The following AHI1 variants were observed in gnomAD, a reference collection of about 807,000 sequenced individuals.
AHI1 encodes the protein jouberin.
Under a neutral mutation model 149.3 loss-of-function variants are expected in AHI1, and 123 were observed. The ratio of observed to expected loss-of-function variants is 0.82; its 90% CI spans 0.71 to 0.96. The LOEUF is 0.96. Among genes scored for constraint, AHI1 ranks in the 40% least tolerant of loss-of-function variants. The pLI, the probability that AHI1 is intolerant of heterozygous loss-of-function variation, is 0.00. For missense variants in AHI1, 1,439 were observed against 1,422.7 expected, an observed-to-expected ratio of 1.01 and a Z score of -0.18; for synonymous variants, 475 against 459.8, an observed-to-expected ratio of 1.03 and a Z score of -0.42.
intron 5 of AHI1, among the ~76,000 whole-genome samples, chr6:135,471,794 T>C (rs1001146025): frequency 6.6e-6 from 1 of 151,192 alleles, no homozygotes; most frequent in East Asian, 2.0e-4. Flanking sequence ...GGGTGGATCA[T>C]GAGGTCAGGA....
At chr6:135,340,650 CATACATACAT>C (rs1471896920) in intron 24 of AHI1, among the ~76,000 whole-genome samples, 19 of 52,634 alleles carry the variant, frequency 3.6e-4, no homozygotes, top group African/African-American at 1.9e-3. Context: ...CATATATATA[CATACATACAT>C]ATATATATAT....
intron 23 of AHI1, among the ~76,000 whole-genome samples, chr6:135,392,432 T>C (rs976019754): frequency 2.6e-5 from 4 of 152,160 alleles, no homozygotes; most frequent in African/African-American, 9.7e-5. Flanking sequence ...GTAAACCCAC[T>C]TACATATATA....
At chr6:135,417,341 T>C (rs995437620) in intron 20 of AHI1, among the ~76,000 whole-genome samples, 29 of 152,060 alleles carry the variant, frequency 1.9e-4, no homozygotes, top group African/African-American at 6.0e-4. Context: ...CGAACATGCA[T>C]AGAAATGGCC....
intron 23 of AHI1, among the ~76,000 whole-genome samples, chr6:135,365,062 A>G (rs1166157807): frequency 1.3e-5 from 2 of 152,136 alleles, no homozygotes; most frequent in Non-Finnish European, 2.9e-5. Context: ...TCCCAGCACC[A>G]TTTGTTGAAC....
At chr6:135,304,538 A>C (rs1784310045) in intron 26 of AHI1, among the ~76,000 whole-genome samples, 1 of 151,908 alleles carries the variant, frequency 6.6e-6, no homozygotes, top group African/African-American at 2.4e-5. Flanking sequence ...TTGGGAGGCC[A>C]AGGCAGGCAG....
intron 23 of AHI1, chr6:135,388,156 A>G (rs1487244549): frequency 9.5e-7 from 1 of 1,048,562 alleles, no homozygotes; most frequent in African/African-American, 1.6e-5. Flanking sequence ...TAGATTACCT[A>G]TTAATCTACA....
chr6:135,349,877 C>A (rs1225281753), intron 24 of AHI1, among the ~76,000 whole-genome samples: 1 of 152,200 alleles, frequency 6.6e-6, no homozygotes, highest in Non-Finnish European at 1.5e-5. Flanking sequence ...GACCTTGCCA[C>A]AACTGACCTA....
chr6:135,449,089 C>T (rs753049089), intron 11 of AHI1, among the ~76,000 whole-genome samples: 6 of 152,010 alleles, frequency 3.9e-5, no homozygotes, highest in Non-Finnish European at 8.8e-5. Flanking sequence ...CTCTGTTATC[C>T]AGGCCGGAGT....
chr6:135,363,593 C>T (rs1465398965), intron 23 of AHI1, among the ~76,000 whole-genome samples: 1 of 152,040 alleles, frequency 6.6e-6, no homozygotes, highest in East Asian at 1.9e-4. Context: ...GGTGGCCGGG[C>T]AGAGGGGCTC....
intron 21 of AHI1, among the ~76,000 whole-genome samples, chr6:135,409,837 G>A (rs1416117792): frequency 6.6e-6 from 1 of 152,022 alleles, no homozygotes; most frequent in African/African-American, 2.4e-5. Context: ...TAGATTTTGG[G>A]ACTTTAGCAC....
chr6:135,462,048 A>T (rs1229512129), intron 8 of AHI1, among the ~76,000 whole-genome samples: 1 of 152,010 alleles, frequency 6.6e-6, no homozygotes, highest in African/African-American at 2.4e-5. Flanking sequence ...ATATGAGTAT[A>T]CTGCTTAGTG....
intron 23 of AHI1, among the ~76,000 whole-genome samples, chr6:135,386,345 C>G (rs1211001911): frequency 2.0e-5 from 3 of 150,528 alleles, no homozygotes; most frequent in Non-Finnish European, 4.4e-5. Context: ...GAGTCTCGCT[C>G]TTCCGCCCAG....
intron 26 of AHI1, among the ~76,000 whole-genome samples, chr6:135,309,186 C>T (rs1050754934): frequency 2.0e-5 from 3 of 152,066 alleles, no homozygotes; most frequent in East Asian, 1.9e-4. Flanking sequence ...GATTCCTCTG[C>T]GTAGGTCATT....
intron 26 of AHI1, among the ~76,000 whole-genome samples, chr6:135,306,057 A>T (rs1164122980): frequency 6.6e-6 from 1 of 152,108 alleles, no homozygotes; most frequent in Non-Finnish European, 1.5e-5. Context: ...AGTTACTTTC[A>T]CCTGTTAGAC....
rs773359044 is a variant in AHI1 at position 135,457,650 on chromosome 6, G to C, written c.995C>G (p.Pro332Arg). The C allele has an allele frequency of 3.1e-6, 5 of 1,613,776 alleles. No homozygotes were observed. The South Asian group carries it at 4.4e-5, about 14-fold the overall frequency. Residue 332 changes from proline to arginine, a missense_variant, in exon 9 of 29, where the codon CCG becomes CGG. Physicochemically the swap from Pro to Arg is moderately radical, Grantham distance 103 (BLOSUM62 -2). Coordinates refer to ENST00000265602, the MANE Select transcript of AHI1 (RefSeq NM_001134831.2). ...ATCAAGCAAACATTTGGGATAAACCGGGCTATCTCGGCTTGTTATTTCATG... is the reference window on the plus strand; with the variant it reads ...ATCAAGCAAACATTTGGGATAAACCCGGCTATCTCGGCTTGTTATTTCATG... ...GVHEITSRDS[P>R]VYPKCLLDDD...
chr6:135,414,513 G>A (rs1441286482), intron 20 of AHI1, among the ~76,000 whole-genome samples: 3 of 152,054 alleles, frequency 2.0e-5, no homozygotes, highest in Admixed American at 1.3e-4. Flanking sequence ...AGACTGGGGG[G>A]AAATACCTGC....
In AHI1 at chr6:135,354,549, G is replaced by A. The variant is rs111844854; in HGVS notation, c.3165+3583C>T. On this transcript the variant is annotated intron_variant, in intron 24 of 28. Coordinates refer to ENST00000265602, the MANE Select transcript of AHI1 (RefSeq NM_001134831.2). Reference sequence around the variant, plus strand: ...CCATTTCCCTTTGATTTGCAAATAAGTCCTTCATTTAAAGTAAATACAGGA... The same window carrying A: ...CCATTTCCCTTTGATTTGCAAATAAATCCTTCATTTAAAGTAAATACAGGA... Among the ~76,000 whole-genome samples, 931 of 152,198 alleles carry A rather than the reference G, an allele frequency of 6.1e-3. 14 individuals carry two copies. The highest frequency in any genetic ancestry group is 0.021 in the African/African-American group (890 of 41,546).
chr6:135,400,360 C>T (rs1277492557), intron 22 of AHI1, among the ~76,000 whole-genome samples: 1 of 151,930 alleles, frequency 6.6e-6, no homozygotes, highest in Non-Finnish European at 1.5e-5. Flanking sequence ...CTACAATATA[C>T]ATTACCACTT....
chr6:135,479,706 AT>A (rs1240690957), intron 5 of AHI1, among the ~76,000 whole-genome samples: 3 of 152,156 alleles, frequency 2.0e-5, no homozygotes, highest in Non-Finnish European at 2.9e-5. Flanking sequence ...TTGAGAAAGC[AT>A]GATTGTGTTT....
Sources: gnomAD v4.1 joint callset for allele counts (sites outside exome capture counted in the v4.1 genomes callset) on GRCh38, gnomAD v4.1.1 for gene constraint, MANE v1.5 for transcripts, NCBI Gene and HGNC (gene_info 2026-07-23, HGNC 2026-07-21) for gene names.